Variants in TCF7 observed in about 807,000 individuals in gnomAD.
TCF7 encodes transcription factor 7, also known as T-cell-factor-7.
A neutral mutation model predicts 46.8 loss-of-function variants in TCF7; 19 were observed. That is an observed-to-expected ratio of 0.41 (90% confidence interval 0.28 to 0.60). The LOEUF is 0.60. TCF7 is among the 20% of genes least tolerant of loss of function. The probability of loss-of-function intolerance (pLI) is 0.35; values close to 1 mark genes in which losing one functional copy is unlikely to be tolerated. For missense variants in TCF7, 547 were observed against 504.6 expected (o/e 1.08, Z -0.81); for synonymous variants, 245 against 213.4 (o/e 1.15, Z -1.29).
rs1377401938 is a variant in TCF7, at chr5:134,139,146, GCT to G, written c.635+111_635+112del. Reference sequence around the variant, plus strand: ...CTCTTGGCTGGCCACCCTGCTGCCAGCTCTGTTTAGATGCCAGGGGCTGGCCA... The same window carrying G: ...CTCTTGGCTGGCCACCCTGCTGCCAGCTGTTTAGATGCCAGGGGCTGGCCA... On this transcript the variant is annotated intron_variant, in intron 5 of 9. Transcript: ENST00000342854. The G allele has an allele frequency of 2.5e-5, 37 of 1,489,992 alleles. 1 individual carries two copies. The highest frequency in any genetic ancestry group is 3.9e-4 in the Middle Eastern group (2 of 5,166). 92.3% of individuals were successfully genotyped at this position (1,489,992 alleles called of 1,614,324 possible).
chr5:134,145,885 G>T lies in TCF7; in HGVS notation c.1076-339G>T, dbSNP rs1299774528. On this transcript the variant is annotated intron_variant, in intron 9 of 9. Transcript: ENST00000342854. ...GCCCCTTGCCTTGGTGCAGATGTGA[G>T]TCCCACAAACACATCTGGAGAAGCT... The T allele has an allele frequency of 2.5e-6, 4 of 1,575,612 alleles. No homozygotes were observed. In the African/African-American group the frequency reaches 5.4e-5, roughly 21 times the overall value.
chr5:134,144,346 A>G (rs1488072194), intron 9 of TCF7: 2 of 208,544 alleles, frequency 9.6e-6, no homozygotes, highest in Admixed American at 5.3e-5. Context: ...AGCATAAGGT[A>G]TAGCCTTCAG....
At chr5:134,110,890 A>T (rs1052108244), upstream of TCF7, among the ~76,000 whole-genome samples, 3 of 152,250 alleles carry the variant, frequency 2.0e-5, no homozygotes, top group African/African-American at 7.2e-5. Flanking sequence ...AGCTCTAGCC[A>T]TGATTAAGTG....
chr5:134,129,669 C>T (rs535363650), intron 3 of TCF7, among the ~76,000 whole-genome samples: 3 of 152,402 alleles, frequency 2.0e-5, no homozygotes, highest in Non-Finnish European at 2.9e-5. Context: ...CCACTGGAGG[C>T]CATGGGCCAC....
chr5:134,143,041 C>T lies in TCF7; in HGVS notation c.967C>T (p.Arg323Cys), dbSNP rs756503966. 17 of 1,612,012 alleles carry T rather than the reference C, an allele frequency of 1.1e-5. No homozygotes were observed. Among genetic ancestry groups the T allele is most frequent in the African/African-American group, 5.3e-5 (4 of 74,912 alleles). ...EEQAKYYELA[R>C]KERQLHMQLY... ...GCAGGCCAAGTACTATGAGCTGGCCCGCAAGGAGAGGCAGCTGCACATGCA... is the reference window on the plus strand; with the variant it reads ...GCAGGCCAAGTACTATGAGCTGGCCTGCAAGGAGAGGCAGCTGCACATGCA... The change falls in exon 8 of 10, where the codon CGC becomes TGC. Residue 323 changes from arginine to cysteine, a missense_variant. Arg to Cys is a radical substitution (Grantham distance 180). Around this residue, in one of 3 missense-constraint regions of TCF7, gnomAD observed 90 missense variants for 88.8 expected, o/e 1.01. Coordinates refer to ENST00000342854, the MANE Select transcript of TCF7 (RefSeq NM_003202.5).
In TCF7 at chr5:134,146,421, C is replaced by A; in HGVS notation, c.*118C>A. 7.9e-7 allele frequency: 1 copy of A among 1,263,528 alleles called. No individual in the cohort carries two copies. The allele number at this position is 1,263,528 out of a possible 1,614,324, so 78.3% of individuals were successfully genotyped here. ...GCACCTACATCCCCAGGTCTCTCCA[C>A]TGCTCTCAGCCTCCCAACCCCAGGG... On this transcript the variant is annotated 3_prime_UTR_variant, in exon 10 of 10. Transcript: ENST00000342854.
rs1041081796 is a variant in TCF7 at position 134,146,148 on chromosome 5, G to A, written c.1076-76G>A. 1.1e-5 allele frequency: 17 copies of A among 1,613,408 alleles called. 1 individual carries two copies. In the South Asian group the frequency reaches 1.5e-4, roughly 15 times the overall value. On this transcript the variant is annotated intron_variant, in intron 9 of 9. Coordinates refer to ENST00000342854, the MANE Select transcript of TCF7 (RefSeq NM_003202.5). ...AAGGAATCAGCCAGGCCTGTGCAAA[G>A]GCAGCATTTTTTGGTTGTGGTGTAT... is the stretch of plus-strand genomic sequence containing the variant.
intron 3 of TCF7, among the ~76,000 whole-genome samples, chr5:134,137,448 CAG>C (rs1200058177): frequency 9.7e-6 from 1 of 103,020 alleles, no homozygotes. Context: ...AAAAAAAAAA[CAG>C]AGAAAAAAGA....
At chr5:134,119,339 G>A (rs1250588427) in intron 3 of TCF7, among the ~76,000 whole-genome samples, 1 of 152,178 alleles carries the variant, frequency 6.6e-6, no homozygotes, top group Non-Finnish European at 1.5e-5. Flanking sequence ...CGGAAGAGGG[G>A]CCCAGGGAGC....
intron 9 of TCF7, 101 bp from the exon 10 acceptor site, chr5:134,146,123 A>C: frequency 6.2e-7 from 1 of 1,609,354 alleles, no homozygotes; most frequent in Admixed American, 1.7e-5. Flanking sequence ...AAGAGAGGAC[A>C]AGGAATCAGC....
chr5:134,145,100 C>CAGAAAGGAAGGACAGACTCAAGA, intron 9 of TCF7: 1 of 642,140 alleles, frequency 1.6e-6, no homozygotes. Flanking sequence ...CAGAATGTTC[C>CAGAAAGGAAGGACAGACTCAAGA]AGAAAGGAAG....
intron 3 of TCF7, among the ~76,000 whole-genome samples, chr5:134,129,375 A>G (rs931793077): frequency 5.9e-5 from 9 of 152,086 alleles, no homozygotes; most frequent in African/African-American, 9.7e-5. Flanking sequence ...TCCATTCCCT[A>G]CTGCCAAAGA....
the TCF7 span, among the ~76,000 whole-genome samples, chr5:134,108,986 A>G: frequency 4.6e-5 from 7 of 152,190 alleles, no homozygotes; most frequent in Non-Finnish European, 8.8e-5. Flanking sequence ...GACATGCATA[A>G]AACAGCCAGG....
chr5:134,140,898 C>A (rs1428713949), intron 5 of TCF7: 1 of 407,472 alleles, frequency 2.5e-6, no homozygotes, highest in East Asian at 8.7e-5. Flanking sequence ...GGTGAGTCCC[C>A]TACACTGCAG....
chr5:134,123,535 G>A (rs376039066), intron 3 of TCF7: 66 of 386,652 alleles, frequency 1.7e-4, no homozygotes, highest in African/African-American at 1.1e-3. Flanking sequence ...ACAGGTGAGA[G>A]GGGGAGAACA....
chr5:134,114,986 AG>A lies in TCF7; in HGVS notation c.82del (p.Asp28MetfsTer29). Reference sequence around the variant, plus strand: ...GCGCCGGACGAGCTGCTGGCCTTCCAGGATGAAGGCGAGGAGCAGGACGACA... The same window carrying A: ...GCGCCGGACGAGCTGCTGGCCTTCCAGATGAAGGCGAGGAGCAGGACGACA... The part of the protein sequence containing the change: ...LGAPDELLAF[Q>X]DEGEEQDDKS... On this transcript the variant is annotated frameshift_variant, in exon 1 of 10. Coordinates refer to ENST00000342854, the MANE Select transcript of TCF7 (RefSeq NM_003202.5). LOFTEE classifies it high-confidence loss of function. 8.2e-7 allele frequency: 1 copy of A among 1,218,718 alleles called. No homozygotes were observed. Among genetic ancestry groups the A allele is most frequent in the Non-Finnish European group, 1.0e-6 (1 of 954,484 alleles). The allele number at this position is 1,218,718 out of a possible 1,614,324, so 75.5% of individuals were successfully genotyped here.
In TCF7 at chr5:134,114,981, C is replaced by A; in HGVS notation, c.75C>A (p.Ala25=). The A allele has an allele frequency of 8.2e-7, 1 of 1,214,912 alleles. No homozygotes were observed. Among genetic ancestry groups the A allele is most frequent in the South Asian group, 1.6e-5 (1 of 61,266 alleles). The allele number at this position is 1,214,912 out of a possible 1,614,324, so 75.3% of individuals were successfully genotyped here. ...DDLGAPDELL[A]FQDEGEEQDD... is the part of the protein sequence containing the mutation. ...TCGGCGCGCCGGACGAGCTGCTGGC[C>A]TTCCAGGATGAAGGCGAGGAGCAGG... The change falls in exon 1 of 10, where the codon GCC becomes GCA. Residue 25 remains alanine, a synonymous_variant. Coordinates refer to ENST00000342854, the MANE Select transcript of TCF7 (RefSeq NM_003202.5).
Position 134,115,905 on chromosome 5 carries a change from C to A in TCF7, c.317-4C>A. On this transcript the variant is annotated splice_region_variant and splice_polypyrimidine_tract_variant and intron_variant, in intron 2 of 9. Transcript: ENST00000342854. ...TGTGTCTGACCCAGCTGTGGTTTTT[C>A]CAGGCCTGAAGGCCCCGGAGTGCAC... is the stretch of plus-strand genomic sequence containing the variant. 6.2e-7 allele frequency: 1 copy of A among 1,613,922 alleles called. No homozygotes were observed. The highest frequency in any genetic ancestry group is 8.5e-7 in the Non-Finnish European group (1 of 1,180,004).
chr5:134,124,057 T>C (rs1756991751), intron 3 of TCF7, among the ~76,000 whole-genome samples: 1 of 152,094 alleles, frequency 6.6e-6, no homozygotes, highest in Non-Finnish European at 1.5e-5. Context: ...AGGGGAACTC[T>C]ACCCCAGAGG....
Sources: gnomAD v4.1 joint callset for allele counts (sites outside exome capture counted in the v4.1 genomes callset) on GRCh38, gnomAD v4.1.1 for gene constraint, gnomAD v4.1.1 regional missense constraint, MANE v1.5 for transcripts, NCBI Gene and HGNC (gene_info 2026-07-23, HGNC 2026-07-21) for gene names.